The following GALNT10 variants were observed in gnomAD, a reference collection of about 807,000 sequenced individuals.
GALNT10 encodes polypeptide N-acetylgalactosaminyltransferase 10, also known as GalNAc transferase 10.
Under a neutral mutation model 75.0 loss-of-function variants are expected in GALNT10, and 41 were observed. That is an observed-to-expected ratio of 0.55 (90% CI 0.43 to 0.71). GALNT10 has a LOEUF of 0.71. Among genes scored for constraint, GALNT10 ranks in the 30% least tolerant of loss-of-function variants. The pLI is 0.00. For synonymous variants in GALNT10, 302 were observed against 313.0 expected, an observed-to-expected ratio of 0.96 and a Z score of 0.37; for missense variants, 727 against 818.5, an observed-to-expected ratio of 0.89 and a Z score of 1.36.
chr5:154,337,772 T>G (rs540766902), intron 4 of GALNT10: 2 of 1,109,536 alleles, frequency 1.8e-6, no homozygotes, highest in Non-Finnish European at 2.7e-6. Flanking sequence ...TGAAGTTTCA[T>G]CCATGACCAA....
intron 4 of GALNT10, among the ~76,000 whole-genome samples, chr5:154,330,177 T>C (rs921233855): frequency 2.6e-5 from 4 of 152,354 alleles, no homozygotes; most frequent in South Asian, 4.1e-4. Flanking sequence ...CTCTGGCAAG[T>C]CTGCCTTTCA....
chr5:154,207,613 T>TGAAG (rs1775131318), intron 1 of GALNT10, among the ~76,000 whole-genome samples: 1 of 152,110 alleles, frequency 6.6e-6, no homozygotes, highest in South Asian at 2.1e-4. Flanking sequence ...AAAGGCTCCC[T>TGAAG]GAAGGAGGGA....
chr5:154,385,364 A>C (rs1179430512), intron 6 of GALNT10, among the ~76,000 whole-genome samples: 1 of 151,924 alleles, frequency 6.6e-6, no homozygotes, highest in East Asian at 1.9e-4. Flanking sequence ...GTACTGCATG[A>C]TTTGTCGTCT....
At chr5:154,364,570 TCA>T (rs1456289396) in intron 4 of GALNT10, among the ~76,000 whole-genome samples, 1 of 152,162 alleles carries the variant, frequency 6.6e-6, no homozygotes, top group Non-Finnish European at 1.5e-5. Flanking sequence ...CGACATATGT[TCA>T]GTTTTCTCTT....
intron 7 of GALNT10, among the ~76,000 whole-genome samples, chr5:154,399,086 A>G (rs1398364986): frequency 6.6e-6 from 1 of 152,172 alleles, no homozygotes; most frequent in Middle Eastern, 3.2e-3. Context: ...GAGGAGAGTG[A>G]GGCTCCCAGG....
chr5:154,323,741 C>T (rs1754711850), intron 3 of GALNT10, among the ~76,000 whole-genome samples: 1 of 152,254 alleles, frequency 6.6e-6, no homozygotes, highest in Admixed American at 6.5e-5. Context: ...ATCCCTTCCT[C>T]CTCGCAGGCT....
chr5:154,234,632 A>T (rs1753217068), intron 1 of GALNT10, among the ~76,000 whole-genome samples: 1 of 152,242 alleles, frequency 6.6e-6, no homozygotes, highest in Admixed American at 6.5e-5. Flanking sequence ...TGATAGTGGG[A>T]TTCAAACCCA....
intron 1 of GALNT10, among the ~76,000 whole-genome samples, chr5:154,244,445 T>A (rs1753389697): frequency 6.6e-6 from 1 of 152,130 alleles, no homozygotes; most frequent in African/African-American, 2.4e-5. Flanking sequence ...TATTTCAACC[T>A]GCTTTGAAAG....
chr5:154,321,253 A>C (rs192993965), intron 3 of GALNT10, among the ~76,000 whole-genome samples: 291 of 151,950 alleles, frequency 1.9e-3, no homozygotes, highest in South Asian at 0.011. Context: ...AATGGCATAC[A>C]AAGAGACTTT....
At chr5:154,199,715 G>C (rs1320616337) in intron 1 of GALNT10, among the ~76,000 whole-genome samples, 1 of 152,152 alleles carries the variant, frequency 6.6e-6, no homozygotes, top group Admixed American at 6.5e-5. Context: ...GGGTCTCTTG[G>C]GAAGGGTTAG....
chr5:154,315,126 C>A lies in GALNT10; in HGVS notation c.402-14446C>A, dbSNP rs191825708. ...AAAAGAATCCAATTATTTTCACAAT[C>A]AAAAAAAAATAAAAATAATTGATTC... On this transcript the variant is annotated intron_variant, in intron 3 of 11. Transcript: ENST00000297107. Among the ~76,000 whole-genome samples the A allele has an allele frequency of 2.8e-3, 416 of 150,738 alleles. 1 individual carries two copies. The highest frequency in any genetic ancestry group is 7.4e-3 in the East Asian group (38 of 5,138).
intron 1 of GALNT10, among the ~76,000 whole-genome samples, chr5:154,226,098 T>C (rs10080191): frequency 0.66 from 100,604 of 151,362 alleles, 33,798 homozygotes; most frequent in East Asian, 0.85. Context: ...CAGACCTGCG[T>C]ATTGTGCACA....
At chr5:154,200,014 G>A (rs1002299534) in intron 1 of GALNT10, among the ~76,000 whole-genome samples, 1 of 152,226 alleles carries the variant, frequency 6.6e-6, no homozygotes, top group Non-Finnish European at 1.5e-5. Flanking sequence ...ATGGAAACAG[G>A]ATTCCAATCC....
chr5:154,354,674 G>A (rs879481352), intron 4 of GALNT10, among the ~76,000 whole-genome samples: 1 of 152,268 alleles, frequency 6.6e-6, no homozygotes, highest in African/African-American at 2.4e-5. Flanking sequence ...TGGGGCATTC[G>A]GGTGGGGGGG....
rs570502810 is a variant in GALNT10 at position 154,239,159 on chromosome 5, G to A, written c.159+48134G>A. Among the ~76,000 whole-genome samples, 305 of 152,258 alleles carry A rather than the reference G, an allele frequency of 2.0e-3. 1 individual carries two copies. Among genetic ancestry groups the A allele is most frequent in the African/African-American group, 6.9e-3 (288 of 41,542 alleles). ...CTTCCTCTTCTTGTTGGTCTCTGGG[G>A]AATACAAGTCTTTCTGAGATAACTC... is the stretch of plus-strand genomic sequence containing the variant. On this transcript the variant is annotated intron_variant, in intron 1 of 11. Transcript: ENST00000297107.
intron 1 of GALNT10, among the ~76,000 whole-genome samples, chr5:154,274,322 G>A (rs1374810245): frequency 6.6e-6 from 1 of 152,172 alleles, no homozygotes; most frequent in Non-Finnish European, 1.5e-5. Flanking sequence ...TTGAAATGGT[G>A]TAAGGTGATA....
chr5:154,296,540 C>T (rs148071347), intron 2 of GALNT10, among the ~76,000 whole-genome samples: 255 of 152,318 alleles, frequency 1.7e-3, no homozygotes, highest in African/African-American at 5.1e-3. Flanking sequence ...ATCTGTCGAA[C>T]GCTAACTATG....
At chr5:154,248,743 G>T (rs1391083082) in intron 1 of GALNT10, among the ~76,000 whole-genome samples, 3 of 151,884 alleles carry the variant, frequency 2.0e-5, no homozygotes, top group Non-Finnish European at 4.4e-5. Context: ...CAATTTTGTT[G>T]ATCTTTTCAA....
intron 1 of GALNT10, among the ~76,000 whole-genome samples, chr5:154,219,265 C>T (rs994068351): frequency 6.6e-6 from 1 of 152,224 alleles, no homozygotes; most frequent in Non-Finnish European, 1.5e-5. Context: ...ACTGAGACAT[C>T]ATCTCCCCCA....
Sources: allele counts gnomAD v4.1 joint callset (sites outside exome capture counted in the v4.1 genomes callset), GRCh38; gene constraint gnomAD v4.1.1; transcripts MANE v1.5; gene names NCBI Gene and HGNC (gene_info 2026-07-23, HGNC 2026-07-21).